The following ARHGAP18 variants were observed in gnomAD, a reference collection of about 807,000 sequenced individuals.
ARHGAP18 encodes rho GTPase-activating protein 18.
Under a neutral mutation model 86.2 loss-of-function variants are expected in ARHGAP18, and 67 were observed. The observed-to-expected ratio is 0.78, with a 90% CI of 0.64 to 0.95. ARHGAP18 has a LOEUF of 0.95. ARHGAP18 is among the 40% of genes least tolerant of loss of function. The pLI is 0.00. For synonymous variants in ARHGAP18, 283 were observed against 280.4 expected (o/e 1.01, Z -0.09); for missense variants, 691 against 780.4 (o/e 0.89, Z 1.37).
At chr6:129,610,670 C>A (rs534699244) in intron 8 of ARHGAP18, among the ~76,000 whole-genome samples, 1 of 152,048 alleles carries the variant, frequency 6.6e-6, no homozygotes, top group Non-Finnish European at 1.5e-5. Context: ...CACTGTTGCC[C>A]GGGCTGGAGT....
chr6:129,604,283 A>AC (rs1459817847), intron 10 of ARHGAP18, among the ~76,000 whole-genome samples: 1 of 151,820 alleles, frequency 6.6e-6, no homozygotes, highest in African/African-American at 2.4e-5. Context: ...TTTTAAAACT[A>AC]TTTTTTAACA....
chr6:129,619,658 CAG>C (rs1245477724), intron 5 of ARHGAP18, among the ~76,000 whole-genome samples: 1 of 134,634 alleles, frequency 7.4e-6, no homozygotes, highest in South Asian at 2.5e-4. Flanking sequence ...GAGGGGGAAA[CAG>C]AGGAAGATGA....
At chr6:129,580,157 A>T in intron 13 of ARHGAP18, 26 bp from the exon 14 acceptor site, 1 of 1,598,412 alleles carries the variant, frequency 6.3e-7, no homozygotes, top group Non-Finnish European at 8.6e-7. Flanking sequence ...CAAACCGATT[A>T]GTTGTATCAT....
chr6:129,696,082 G>A (rs1377119148), intron 1 of ARHGAP18, among the ~76,000 whole-genome samples: 1 of 152,122 alleles, frequency 6.6e-6, no homozygotes. Context: ...TACTGTACTG[G>A]GATTAGAAAA....
At chr6:129,641,771 A>C in intron 2 of ARHGAP18, 45 bp downstream of exon 2, 1 of 1,523,308 alleles carries the variant, frequency 6.6e-7, no homozygotes, top group Non-Finnish European at 9.0e-7. Flanking sequence ...CATTTCCTAT[A>C]AATACATATA....
intron 5 of ARHGAP18, among the ~76,000 whole-genome samples, chr6:129,626,105 C>CACACACACACACACACACATAT (rs1425322925): frequency 2.4e-5 from 3 of 124,878 alleles, no homozygotes; most frequent in South Asian, 2.4e-4. Flanking sequence ...CACACACACA[C>CACACACACACACACACACATAT]ATATATAGAA....
chr6:129,623,868 A>G (rs1789284104), intron 5 of ARHGAP18, among the ~76,000 whole-genome samples: 1 of 152,226 alleles, frequency 6.6e-6, no homozygotes, highest in Non-Finnish European at 1.5e-5. Flanking sequence ...TATTTGATCT[A>G]ATATAAGTTC....
intron 11 of ARHGAP18, among the ~76,000 whole-genome samples, chr6:129,599,672 A>T (rs1392134016): frequency 6.6e-6 from 1 of 152,146 alleles, no homozygotes; most frequent in African/African-American, 2.4e-5. Flanking sequence ...GGTGACGAGC[A>T]GTAGAAGCCA....
intron 1 of ARHGAP18, among the ~76,000 whole-genome samples, chr6:129,646,785 T>C (rs1409877639): frequency 1.3e-5 from 2 of 152,170 alleles, no homozygotes; most frequent in East Asian, 3.9e-4. Flanking sequence ...TGTATTCTCA[T>C]GAGAGAGTGA....
chr6:129,587,843 C>T (rs1788428954), intron 12 of ARHGAP18, among the ~76,000 whole-genome samples: 1 of 152,296 alleles, frequency 6.6e-6, no homozygotes, highest in Non-Finnish European at 1.5e-5. Flanking sequence ...CTCATGTCCT[C>T]ACATTTCAAA....
chr6:129,637,219 C>A (rs531081203), intron 3 of ARHGAP18, among the ~76,000 whole-genome samples: 4 of 151,970 alleles, frequency 2.6e-5, no homozygotes, highest in African/African-American at 7.2e-5. Context: ...CACATGCCAC[C>A]GCACCCAGCT....
intron 12 of ARHGAP18, among the ~76,000 whole-genome samples, chr6:129,598,217 A>AG (rs890366551): frequency 1.3e-5 from 2 of 152,226 alleles, no homozygotes; most frequent in African/African-American, 4.8e-5. Flanking sequence ...TTCTAAAAAA[A>AG]TAAGCATATT....
At chr6:129,629,819 T>TA (rs1447239941) in intron 4 of ARHGAP18, among the ~76,000 whole-genome samples, 2 of 152,136 alleles carry the variant, frequency 1.3e-5, no homozygotes, top group African/African-American at 4.8e-5. Context: ...AAACTTTTAA[T>TA]AAAAAACCTC....
intron 12 of ARHGAP18, among the ~76,000 whole-genome samples, chr6:129,592,955 T>G (rs1788546772): frequency 6.6e-6 from 1 of 152,176 alleles, no homozygotes; most frequent in African/African-American, 2.4e-5. Context: ...GGGGGGCTCA[T>G]GTACTATTCT....
rs547576326 is a variant in ARHGAP18, at chr6:129,625,063, AT to A, written c.786+4289del. Among the ~76,000 whole-genome samples the A allele has an allele frequency of 7.3e-4, 78 of 106,442 alleles. 1 individual carries two copies. The highest frequency in any genetic ancestry group is 2.4e-3 in the African/African-American group (67 of 27,490). The allele number at this position is 106,442 out of a possible 152,430, so 69.8% of individuals were successfully genotyped here. A position where few individuals can be genotyped will look rare whatever the true frequency, so the allele number is the denominator to read the frequency against. On this transcript the variant is annotated intron_variant, in intron 5 of 14. Transcript: ENST00000368149. The stretch of plus-strand genomic sequence containing the variant: ...TATATAATATATATGATTGATATAT[AT>A]TTATATATAATATATATGATATATG...
intron 1 of ARHGAP18, among the ~76,000 whole-genome samples, chr6:129,695,263 AT>A (rs11415057): frequency 3.3e-5 from 5 of 151,376 alleles, no homozygotes; most frequent in African/African-American, 4.9e-5. Flanking sequence ...GCAGTAAACT[AT>A]TTTTTTTTCC....
At chr6:129,597,811 A>G (rs1788644977) in intron 12 of ARHGAP18, among the ~76,000 whole-genome samples, 1 of 152,238 alleles carries the variant, frequency 6.6e-6, no homozygotes. Flanking sequence ...TAAAATGACA[A>G]TACAGTTTTT....
chr6:129,620,193 A>G (rs1052430490), intron 5 of ARHGAP18, among the ~76,000 whole-genome samples: 3 of 152,218 alleles, frequency 2.0e-5, no homozygotes, highest in African/African-American at 7.2e-5. Flanking sequence ...AAATTCATTT[A>G]TGTTTCATAT....
At chr6:129,654,885 G>T (rs1228976756) in intron 1 of ARHGAP18, among the ~76,000 whole-genome samples, 2 of 152,168 alleles carry the variant, frequency 1.3e-5, no homozygotes, top group East Asian at 3.8e-4. Flanking sequence ...ACCGGCCAAG[G>T]CTCCCAGGAC....
Sources: gnomAD v4.1 joint callset for allele counts (sites outside exome capture counted in the v4.1 genomes callset) on GRCh38, gnomAD v4.1.1 for gene constraint, MANE v1.5 for transcripts, NCBI Gene and HGNC (gene_info 2026-07-23, HGNC 2026-07-21) for gene names.